The following TWIST2 variants were observed in gnomAD, a reference collection of about 807,000 sequenced individuals.
TWIST2 encodes the protein twist-related protein 2.
A neutral mutation model predicts 11.6 loss-of-function variants in TWIST2; 1 was observed. That is an observed-to-expected ratio of 0.09 (90% CI 0.03 to 0.41). The LOEUF is 0.41. TWIST2 is among the 10% of genes least tolerant of loss of function. The pLI is 0.98. For missense variants in TWIST2, 168 were observed against 226.4 expected (o/e 0.74, Z 1.66); for synonymous variants, 87 against 96.6 (o/e 0.90, Z 0.58).
At position 238,893,699 on chromosome 2, in the gene TWIST2, G is replaced by A. The variant is rs948101150; in HGVS notation, c.*36-16143G>A. Among the ~76,000 whole-genome samples the A allele has an allele frequency of 2.6e-5, 4 of 152,230 alleles. No homozygotes were observed. In the South Asian group the frequency reaches 6.2e-4, roughly 24 times the overall value. Reference sequence around the variant, plus strand: ...GCCGAATCCCAGACATACAGTGTGGGGTCCGGCACTCAGGAAGCGCCGATC... The same window carrying A: ...GCCGAATCCCAGACATACAGTGTGGAGTCCGGCACTCAGGAAGCGCCGATC... On this transcript the variant is annotated intron_variant, in intron 1 of 1. Transcript: ENST00000612363.
Position 238,848,125 on chromosome 2 carries a change from C to T in TWIST2, c.-91C>T. ...GAAATCAGAGCCTTTCCAGCAACTC[C>T]GAGAGCGTGTGCTCGGCGACCGCGG... On this transcript the variant is annotated 5_prime_UTR_variant, in exon 1 of 2. Transcript: ENST00000612363. The T allele has an allele frequency of 9.5e-7, 1 of 1,052,860 alleles. No individual in the cohort carries two copies. Among genetic ancestry groups the T allele is most frequent in the African/African-American group, 1.7e-5 (1 of 59,528 alleles). The allele number at this position is 1,052,860 out of a possible 1,614,324, so 65.2% of individuals were successfully genotyped here. A position where few individuals can be genotyped will look rare whatever the true frequency, so the allele number is the denominator to read the frequency against.
At chr2:238,873,242 G>A (rs995459740) in intron 1 of TWIST2, among the ~76,000 whole-genome samples, 8 of 152,126 alleles carry the variant, frequency 5.3e-5, no homozygotes, top group East Asian at 1.9e-4. Context: ...ATTAGAGACC[G>A]GGATGTGGCG....
At chr2:238,892,542 G>T (rs373322088) in intron 1 of TWIST2, among the ~76,000 whole-genome samples, 4 of 151,918 alleles carry the variant, frequency 2.6e-5, no homozygotes, top group African/African-American at 9.7e-5. Flanking sequence ...GTGCAGTGGC[G>T]TGATCTCGGC....
chr2:238,854,751 G>T (rs917563008), intron 1 of TWIST2, among the ~76,000 whole-genome samples: 4 of 152,204 alleles, frequency 2.6e-5, no homozygotes, highest in African/African-American at 7.2e-5. Context: ...CGAGGCAGGG[G>T]CTCCATGAGG....
At position 238,864,320 on chromosome 2, in the gene TWIST2, T is replaced by C. The variant is rs1009284541; in HGVS notation, c.*35+15587T>C. Among the ~76,000 whole-genome samples, 5 of 152,328 alleles carry C rather than the reference T, an allele frequency of 3.3e-5. No individual in the cohort carries two copies. The East Asian group carries it at 9.7e-4, about 29-fold the overall frequency. On this transcript the variant is annotated intron_variant, in intron 1 of 1. Coordinates refer to ENST00000612363, the MANE Select transcript of TWIST2 (RefSeq NM_001271893.4). The surrounding 1 kb of genome is among the most constrained non-coding windows in gnomAD (Gnocchi z 4.7). ...GTTCGAAGACACAGATGCTCACTGCTGTAGAGACATAAAGAAACCAAGAGG... is the reference window on the plus strand; with the variant it reads ...GTTCGAAGACACAGATGCTCACTGCCGTAGAGACATAAAGAAACCAAGAGG...
At chr2:238,848,974 T>A (rs1692187453) in intron 1 of TWIST2, among the ~76,000 whole-genome samples, 1 of 151,556 alleles carries the variant, frequency 6.6e-6, no homozygotes, top group African/African-American at 2.4e-5. Context: ...GACCGGTGAC[T>A]CCCCCGGCGG....
chr2:238,856,107 G>A (rs1385055379), intron 1 of TWIST2, among the ~76,000 whole-genome samples: 3 of 152,080 alleles, frequency 2.0e-5, no homozygotes, highest in South Asian at 2.1e-4. Flanking sequence ...CAGGACTGGC[G>A]TTTTATGGCC....
chr2:238,848,346 G>A lies in TWIST2; in HGVS notation c.131G>A (p.Ser44Asn). 1 of 1,534,644 alleles carries A rather than the reference G, an allele frequency of 6.5e-7. No homozygotes were observed. The highest frequency in any genetic ancestry group is 8.7e-7 in the Non-Finnish European group (1 of 1,146,042). Residue 44 changes from serine (S) to asparagine (N), a missense_variant, in exon 1 of 2, where the codon AGC becomes AAC. By Grantham distance (46) the Ser-to-Asn change is conservative. This residue lies in a region of TWIST2 where 83 missense variants were observed against 92.7 expected (regional missense o/e 0.90). Transcript: ENST00000612363. ...AGCAAGAAGTCGAGCGAAGATGGCA[G>A]CCCGACCCCGGGCAAGCGCGGCAAG... ...RYSKKSSEDG[S>N]PTPGKRGKKG...
At chr2:238,902,773 G>A (rs1693288796) in intron 1 of TWIST2, among the ~76,000 whole-genome samples, 3 of 145,628 alleles carry the variant, frequency 2.1e-5, no homozygotes, top group African/African-American at 5.1e-5. Flanking sequence ...GTGATGTGAG[G>A]TGTGTGTGAT....
intron 1 of TWIST2, among the ~76,000 whole-genome samples, chr2:238,892,463 G>GT (rs1693155636): frequency 1.3e-5 from 2 of 152,040 alleles, no homozygotes; most frequent in Non-Finnish European, 1.5e-5. Context: ...CTCTAATATG[G>GT]TTTTTTGTTT....
rs1416042273 is a variant in TWIST2 at position 238,903,269 on chromosome 2, T to C, written c.*36-6573T>C. The stretch of plus-strand genomic sequence containing the variant: ...TGTGTGAGATGTAGTGTGTGTGCGA[T>C]GTGGGGTGTGTCTAATGTGAGGTGT... On this transcript the variant is annotated intron_variant, in intron 1 of 1. Coordinates refer to ENST00000612363, the MANE Select transcript of TWIST2 (RefSeq NM_001271893.4). Among the ~76,000 whole-genome samples, 271 of 148,376 alleles carry C rather than the reference T, an allele frequency of 1.8e-3. 1 individual carries two copies. In the Middle Eastern group the frequency reaches 0.022, roughly 12 times the overall value.
chr2:238,895,942 C>A (rs1339973859), intron 1 of TWIST2, among the ~76,000 whole-genome samples: 1 of 152,240 alleles, frequency 6.6e-6, no homozygotes, highest in Non-Finnish European at 1.5e-5. Context: ...CAGCCTGGGT[C>A]CCTGAAGCCA....
chr2:238,908,850 TTG>T (rs1693401427), intron 1 of TWIST2, among the ~76,000 whole-genome samples: 1 of 13,100 alleles, frequency 7.6e-5, no homozygotes, highest in Non-Finnish European at 1.6e-4. Context: ...TGTGATGTGT[TTG>T]TGTGTGGGAG....
chr2:238,886,859 C>T (rs1270890885), intron 1 of TWIST2: 1 of 152,136 alleles, frequency 6.6e-6, no homozygotes, highest in Non-Finnish European at 1.5e-5. Context: ...AGTGTTTGGT[C>T]AAGACAGCCC....
At position 238,852,898 on chromosome 2, in the gene TWIST2, AT is replaced by A. The variant is rs1290599766; in HGVS notation, c.*35+4167del. Among the ~76,000 whole-genome samples, 3 of 152,262 alleles carry A rather than the reference AT, an allele frequency of 2.0e-5. No homozygotes were observed. The East Asian group carries it at 5.8e-4, about 29-fold the overall frequency. Reference sequence around the variant, plus strand: ...AATAAAAAAGATATTCTACAAAAGTATTAAATCTATATATTTAGATAAGCAA... The same window carrying A: ...AATAAAAAAGATATTCTACAAAAGTATAAATCTATATATTTAGATAAGCAA... On this transcript the variant is annotated intron_variant, in intron 1 of 1. Coordinates refer to ENST00000612363, the MANE Select transcript of TWIST2 (RefSeq NM_001271893.4).
intron 1 of TWIST2, among the ~76,000 whole-genome samples, chr2:238,902,171 G>A (rs1029372941): frequency 2.0e-5 from 3 of 151,504 alleles, no homozygotes; most frequent in Non-Finnish European, 3.0e-5. Context: ...GGTGTGTAAT[G>A]GTGTGTGTGT....
intron 1 of TWIST2, among the ~76,000 whole-genome samples, chr2:238,882,523 G>A (rs1242980794): frequency 3.3e-5 from 5 of 152,130 alleles, no homozygotes; most frequent in Non-Finnish European, 1.5e-5. Flanking sequence ...TTAATTTGGG[G>A]TAACATTGAC....
chr2:238,909,192 TG>T (rs1693411613), intron 1 of TWIST2, among the ~76,000 whole-genome samples: 8 of 4,772 alleles, frequency 1.7e-3, no homozygotes, highest in South Asian at 5.8e-3. Context: ...GTGGTATGTT[TG>T]GTGTGTGTGT....
chr2:238,900,141 C>G (rs1693251561), intron 1 of TWIST2, among the ~76,000 whole-genome samples: 1 of 152,174 alleles, frequency 6.6e-6, no homozygotes, highest in Non-Finnish European at 1.5e-5. Flanking sequence ...CCTTTGTAAC[C>G]TGGTCCACAT....
Sources: allele counts gnomAD v4.1 joint callset (sites outside exome capture counted in the v4.1 genomes callset), GRCh38; gene constraint gnomAD v4.1.1; regional missense constraint gnomAD v4.1.1; non-coding constraint Gnocchi (gnomAD v3.1); transcripts MANE v1.5; gene names NCBI Gene and HGNC (gene_info 2026-07-23, HGNC 2026-07-21).